The following CPQ variants were observed in gnomAD, a reference collection of about 807,000 sequenced individuals.
The protein encoded by CPQ is carboxypeptidase Q.
CPQ carries 37 observed loss-of-function variants against 45.7 expected under a neutral mutation model. That is an observed-to-expected ratio of 0.81 (90% confidence interval 0.62 to 1.07). The LOEUF is 1.07. Ranked by LOEUF, CPQ falls within the 50% of genes least tolerant of loss-of-function variation. The pLI is 0.00. For synonymous variants in CPQ, 186 were observed against 205.8 expected (o/e 0.90, Z 0.82); for missense variants, 537 against 572.9 (o/e 0.94, Z 0.64).
chr8:96,693,840 T>C (rs1208117627), intron 1 of CPQ, among the ~76,000 whole-genome samples: 1 of 152,170 alleles, frequency 6.6e-6, no homozygotes, highest in African/African-American at 2.4e-5. Flanking sequence ...GTAATTGTGG[T>C]TTGTAAATTA....
In CPQ at chr8:96,835,050, GT is replaced by G. The variant is rs760248889; in HGVS notation, c.513del (p.Val172PhefsTer70). On this transcript the variant is annotated frameshift_variant, in exon 3 of 8. Transcript: ENST00000220763. LOFTEE classifies it high-confidence loss of function. ...RRASEARGKI[V>X]VYNQPYINYS... ...GGCCTCAGAAGCAAGAGGGAAGATT[GT>G]TGTTTATAACCAACCTTACATCAAC... 6 of 1,613,738 alleles carry G rather than the reference GT, an allele frequency of 3.7e-6. No homozygotes were observed. The highest frequency in any genetic ancestry group is 5.1e-6 in the Non-Finnish European group (6 of 1,179,820).
chr8:96,975,656 G>C (rs779116216), intron 5 of CPQ, among the ~76,000 whole-genome samples: 5 of 152,070 alleles, frequency 3.3e-5, no homozygotes, highest in Non-Finnish European at 7.4e-5. Flanking sequence ...TGATCAAGTG[G>C]GTTTCATACT....
At chr8:96,744,620 A>G (rs1810151004) in intron 1 of CPQ, among the ~76,000 whole-genome samples, 1 of 152,162 alleles carries the variant, frequency 6.6e-6, no homozygotes, top group Admixed American at 6.5e-5. Flanking sequence ...ATACTAATAA[A>G]ACTGTACCAG....
intron 5 of CPQ, among the ~76,000 whole-genome samples, chr8:96,999,031 A>C (rs1809223927): frequency 6.6e-6 from 1 of 151,916 alleles, no homozygotes; most frequent in Non-Finnish European, 1.5e-5. Context: ...TTTCTCACTT[A>C]ACCCTCACAA....
intron 5 of CPQ, among the ~76,000 whole-genome samples, chr8:96,982,397 A>C (rs1427748594): frequency 6.6e-6 from 1 of 152,164 alleles, no homozygotes; most frequent in Non-Finnish European, 1.5e-5. Flanking sequence ...GCTACAGTGC[A>C]ATGGCACATC....
intron 6 of CPQ, among the ~76,000 whole-genome samples, chr8:97,036,169 G>A (rs568573792): frequency 5.3e-5 from 8 of 152,214 alleles, no homozygotes; most frequent in African/African-American, 1.4e-4. Context: ...ATGCCGTCCT[G>A]CTCATAACCA....
chr8:96,908,468 G>A (rs1812609841), intron 4 of CPQ, among the ~76,000 whole-genome samples: 1 of 152,068 alleles, frequency 6.6e-6, no homozygotes, highest in Admixed American at 6.6e-5. Context: ...ACAGGTTCAT[G>A]GATTTAGAGA....
intron 2 of CPQ, among the ~76,000 whole-genome samples, chr8:96,800,383 G>T (rs1269314023): frequency 3.3e-5 from 5 of 152,184 alleles, no homozygotes; most frequent in Non-Finnish European, 5.9e-5. Context: ...GCACTGATTG[G>T]TGGGTGTGAA....
chr8:96,867,471 A>G (rs550102463), intron 3 of CPQ, among the ~76,000 whole-genome samples: 2 of 152,146 alleles, frequency 1.3e-5, no homozygotes, highest in East Asian at 3.9e-4. Context: ...AAAGCAATCA[A>G]ACTTAACAGC....
At chr8:96,860,671 C>T (rs1811914988) in intron 3 of CPQ, among the ~76,000 whole-genome samples, 1 of 152,098 alleles carries the variant, frequency 6.6e-6, no homozygotes, top group Non-Finnish European at 1.5e-5. Flanking sequence ...GGTGGATCTG[C>T]TGGAATAGTT....
rs550809452 is a variant in CPQ, at chr8:96,672,985, C to T, written c.-35+27583C>T. On this transcript the variant is annotated intron_variant, in intron 1 of 7. Coordinates refer to ENST00000220763, the MANE Select transcript of CPQ (RefSeq NM_016134.4). ...AACCAAGATGAAGGTGTACTGTTCA[C>T]TCTGGGTAAGAGTGTGCCAGGCAGA... 3.7e-4 allele frequency among the ~76,000 whole-genome samples: 57 copies of T among 152,152 alleles called. 1 individual carries two copies. The South Asian group carries it at 0.012, about 32-fold the overall frequency.
chr8:96,791,896 A>G (rs1228003657), intron 2 of CPQ, among the ~76,000 whole-genome samples: 1 of 152,158 alleles, frequency 6.6e-6, no homozygotes, highest in Non-Finnish European at 1.5e-5. Flanking sequence ...TTGAATCTGT[A>G]AGGTCTCCTC....
intron 3 of CPQ, among the ~76,000 whole-genome samples, chr8:96,847,752 A>C (rs1047255983): frequency 1.3e-5 from 2 of 151,938 alleles, no homozygotes; most frequent in African/African-American, 2.4e-5. Flanking sequence ...CCCATACATA[A>C]TTGCTGTTAA....
intron 1 of CPQ, among the ~76,000 whole-genome samples, chr8:96,752,587 A>G (rs759249363): frequency 2.9e-4 from 44 of 152,210 alleles, no homozygotes; most frequent in Admixed American, 1.4e-3. Flanking sequence ...AGATAATTTG[A>G]CTTCCTCTCC....
chr8:97,011,133 T>C (rs1228779553), intron 5 of CPQ, among the ~76,000 whole-genome samples: 2 of 152,230 alleles, frequency 1.3e-5, no homozygotes, highest in Non-Finnish European at 2.9e-5. Flanking sequence ...AAGTTAGTGA[T>C]AATTTTTAGA....
chr8:96,891,562 G>T (rs959994593), intron 4 of CPQ, among the ~76,000 whole-genome samples: 4 of 152,168 alleles, frequency 2.6e-5, no homozygotes, highest in Non-Finnish European at 4.4e-5. Context: ...AAGAGGCTGA[G>T]TGGTGTCCAT....
At chr8:96,721,083 T>G (rs1809756974) in intron 1 of CPQ, among the ~76,000 whole-genome samples, 1 of 152,122 alleles carries the variant, frequency 6.6e-6, no homozygotes, top group Admixed American at 6.5e-5. Flanking sequence ...GGTAGTGCTG[T>G]CCTGCCCACG....
At chr8:97,095,380 T>C (rs1811193485) in intron 7 of CPQ, among the ~76,000 whole-genome samples, 1 of 152,188 alleles carries the variant, frequency 6.6e-6, no homozygotes, top group South Asian at 2.1e-4. Context: ...TCTCCCTTAT[T>C]CAGTCAATCC....
At chr8:96,977,543 G>A (rs1434923978) in intron 5 of CPQ, among the ~76,000 whole-genome samples, 3 of 152,148 alleles carry the variant, frequency 2.0e-5, no homozygotes, top group Non-Finnish European at 2.9e-5. Flanking sequence ...GCCCACTCAT[G>A]TTTATAGCAG....
Sources: allele counts gnomAD v4.1 joint callset (sites outside exome capture counted in the v4.1 genomes callset), GRCh38; gene constraint gnomAD v4.1.1; transcripts MANE v1.5; gene names NCBI Gene and HGNC (gene_info 2026-07-23, HGNC 2026-07-21).